The following CFAP61 variants were observed in gnomAD, a reference collection of about 807,000 sequenced individuals.
CFAP61 encodes cilia and flagella associated protein 61, also known as cilia- and flagella-associated protein 61.
CFAP61 carries 107 observed loss-of-function variants against 135.6 expected under a neutral mutation model. The observed-to-expected ratio is 0.79, with a 90% CI of 0.67 to 0.93. CFAP61 has a LOEUF of 0.93. Among genes scored for constraint, CFAP61 ranks in the 40% least tolerant of loss-of-function variants. The probability of loss-of-function intolerance (pLI) is 0.00; values close to 1 mark genes in which losing one functional copy is unlikely to be tolerated. For missense variants in CFAP61, 1,507 were observed against 1,556.2 expected (o/e 0.97, Z 0.53); for synonymous variants, 575 against 578.5 (o/e 0.99, Z 0.09).
intron 21 of CFAP61, among the ~76,000 whole-genome samples, chr20:20,270,697 T>A (rs1276407574): frequency 7.7e-6 from 1 of 130,314 alleles, no homozygotes; most frequent in Non-Finnish European, 1.7e-5. Context: ...TTTTTTTTTT[T>A]AAGACAGAGC....
chr20:20,102,632 T>A (rs1017919509), intron 8 of CFAP61, among the ~76,000 whole-genome samples: 15 of 152,064 alleles, frequency 9.9e-5, no homozygotes, highest in African/African-American at 3.4e-4. Context: ...CTCTCCCTCC[T>A]CCCACCCTCC....
At chr20:20,272,296 C>T (rs1217182548) in intron 21 of CFAP61, among the ~76,000 whole-genome samples, 4 of 152,102 alleles carry the variant, frequency 2.6e-5, no homozygotes, top group Admixed American at 2.6e-4. Context: ...AAAAATTAGC[C>T]GTGTGTGGTG....
intron 12 of CFAP61, among the ~76,000 whole-genome samples, chr20:20,168,620 T>A (rs12624381): frequency 0.09 from 13,646 of 152,290 alleles, 636 homozygotes; most frequent in Middle Eastern, 0.14. Context: ...ATTTTTTTAA[T>A]TTAAATGAAT....
chr20:20,077,419 A>G (rs550394145), intron 6 of CFAP61, among the ~76,000 whole-genome samples: 1 of 152,332 alleles, frequency 6.6e-6, no homozygotes, highest in African/African-American at 2.4e-5. Flanking sequence ...AAGATCATGG[A>G]GATCATGACA....
intron 15 of CFAP61, 88 bp downstream of exon 15, chr20:20,191,507 T>A: frequency 1.1e-6 from 1 of 871,634 alleles, no homozygotes; most frequent in East Asian, 2.7e-5. Flanking sequence ...AGTTGTACTT[T>A]TACTTATTTA....
intron 9 of CFAP61, among the ~76,000 whole-genome samples, chr20:20,145,542 G>A (rs114816412): frequency 0.012 from 1,799 of 152,246 alleles, 43 homozygotes; most frequent in African/African-American, 0.041. Context: ...TACATTAAAT[G>A]TAAACGTTCC....
At chr20:20,263,488 C>T (rs1403134336) in intron 21 of CFAP61, among the ~76,000 whole-genome samples, 2 of 150,258 alleles carry the variant, frequency 1.3e-5, no homozygotes, top group Non-Finnish European at 3.0e-5. Context: ...TTTTGTGAAA[C>T]TGAAAAGACC....
chr20:20,219,157 T>A (rs970702534), intron 17 of CFAP61, among the ~76,000 whole-genome samples: 4 of 152,330 alleles, frequency 2.6e-5, no homozygotes, highest in East Asian at 3.9e-4. Context: ...ATTCCTTCAC[T>A]TTTTTACTGC....
chr20:20,079,976 T>A (rs1228051186), intron 6 of CFAP61, among the ~76,000 whole-genome samples: 1 of 152,150 alleles, frequency 6.6e-6, no homozygotes, highest in Non-Finnish European at 1.5e-5. Context: ...AATATTACCT[T>A]CAGTTTTTAA....
chr20:20,353,706 T>C, intron 26 of CFAP61, among the ~76,000 whole-genome samples: 1 of 152,212 alleles, frequency 6.6e-6, no homozygotes, highest in Middle Eastern at 3.2e-3. Flanking sequence ...CTACGAGGAC[T>C]TACTGTGACC....
intron 9 of CFAP61, among the ~76,000 whole-genome samples, chr20:20,158,272 GA>G (rs1289711067): frequency 1.1e-3 from 118 of 112,078 alleles, no homozygotes; most frequent in African/African-American, 2.2e-3. Context: ...AATATCAAAT[GA>G]AAAAAAAAAT....
intron 1 of CFAP61, among the ~76,000 whole-genome samples, chr20:20,055,663 A>G (rs2044262783): frequency 6.6e-6 from 1 of 152,206 alleles, no homozygotes; most frequent in African/African-American, 2.4e-5. Flanking sequence ...GAATTTTTAT[A>G]TACTTGTAGC....
At chr20:20,110,665 G>C (rs1429090084) in intron 8 of CFAP61, among the ~76,000 whole-genome samples, 1 of 152,194 alleles carries the variant, frequency 6.6e-6, no homozygotes, top group Non-Finnish European at 1.5e-5. Flanking sequence ...TGATGGCGTA[G>C]ATAGCAAATC....
At chr20:20,119,371 A>G (rs369484361) in intron 8 of CFAP61, among the ~76,000 whole-genome samples, 14 of 151,768 alleles carry the variant, frequency 9.2e-5, no homozygotes, top group East Asian at 5.8e-4. Flanking sequence ...GAATTTATCA[A>G]TTTTCTCTAG....
chr20:20,246,411 C>T (rs2050462755), intron 19 of CFAP61, among the ~76,000 whole-genome samples, 196 bp downstream of exon 19: 1 of 152,202 alleles, frequency 6.6e-6, no homozygotes, highest in Admixed American at 6.5e-5. Context: ...CAGGCCAGGG[C>T]CACCAGTTTC....
At chr20:20,264,833 A>G (rs966533372) in intron 21 of CFAP61, among the ~76,000 whole-genome samples, 2 of 152,222 alleles carry the variant, frequency 1.3e-5, no homozygotes, top group African/African-American at 4.8e-5. Flanking sequence ...TCAAGGCTGC[A>G]GAGAGGCATG....
chr20:20,346,367 A>T (rs1176750759), intron 26 of CFAP61, among the ~76,000 whole-genome samples: 1 of 150,996 alleles, frequency 6.6e-6, no homozygotes, highest in Non-Finnish European at 1.5e-5. Context: ...AAATACAAAA[A>T]ACTAGCTGGG....
At chr20:20,067,946 TC>T (rs2045422287) in intron 2 of CFAP61, among the ~76,000 whole-genome samples, 1 of 151,822 alleles carries the variant, frequency 6.6e-6, no homozygotes, top group Non-Finnish European at 1.5e-5. Context: ...CTTTTTACAG[TC>T]AGCTATTTGT....
intron 8 of CFAP61, among the ~76,000 whole-genome samples, chr20:20,118,476 G>T (rs1365710291): frequency 6.6e-6 from 1 of 151,484 alleles, no homozygotes; most frequent in Non-Finnish European, 1.5e-5. Context: ...AAGTAGCTGG[G>T]ATTACAGGTG....
Sources: gnomAD v4.1 joint callset for allele counts (sites outside exome capture counted in the v4.1 genomes callset) on GRCh38, gnomAD v4.1.1 for gene constraint, MANE v1.5 for transcripts, NCBI Gene and HGNC (gene_info 2026-07-23, HGNC 2026-07-21) for gene names.